The following PLCXD3 variants were observed in gnomAD, a reference collection of about 807,000 sequenced individuals.
PLCXD3 encodes the protein phosphatidylinositol specific phospholipase C X domain containing 3.
In PLCXD3, 19 loss-of-function variants were observed where a neutral mutation model predicts 25.5. The ratio of observed to expected loss-of-function variants is 0.75; its 90% CI spans 0.52 to 1.09. PLCXD3 has a LOEUF of 1.09. Ranked by LOEUF, PLCXD3 falls within the 50% of genes least tolerant of loss-of-function variation. PLCXD3 has a pLI of 0.00. For missense variants in PLCXD3, 411 were observed against 388.1 expected (o/e 1.06, Z -0.50); for synonymous variants, 174 against 137.6 (o/e 1.26, Z -1.85).
intron 1 of PLCXD3, among the ~76,000 whole-genome samples, chr5:41,484,133 TA>T (rs1305635283): frequency 3.3e-5 from 5 of 152,062 alleles, no homozygotes; most frequent in Admixed American, 1.3e-4. Context: ...ATATAAACAT[TA>T]GGGGTATAGG....
chr5:41,448,638 C>T (rs1168272391), intron 1 of PLCXD3, among the ~76,000 whole-genome samples: 1 of 152,154 alleles, frequency 6.6e-6, no homozygotes, highest in African/African-American at 2.4e-5. Context: ...TTCTAACTTT[C>T]CTAACTTCTC....
At chr5:41,425,366 T>A (rs1021631577) in intron 1 of PLCXD3, among the ~76,000 whole-genome samples, 2 of 151,956 alleles carry the variant, frequency 1.3e-5, no homozygotes, top group Non-Finnish European at 2.9e-5. Context: ...AAGCATAAGG[T>A]GCACAGATTT....
At chr5:41,350,340 C>T (rs1744422904) in intron 2 of PLCXD3, among the ~76,000 whole-genome samples, 1 of 152,154 alleles carries the variant, frequency 6.6e-6, no homozygotes, top group Non-Finnish European at 1.5e-5. Flanking sequence ...GTCTACTATA[C>T]TCTTCATCTT....
intron 1 of PLCXD3, among the ~76,000 whole-genome samples, chr5:41,490,000 C>T (rs1278772677): frequency 6.6e-6 from 1 of 151,978 alleles, no homozygotes; most frequent in African/African-American, 2.4e-5. Flanking sequence ...AGAGGGCATC[C>T]CTGTCTTGTG....
In PLCXD3 at chr5:41,394,964, A is replaced by G. The variant is rs538495520; in HGVS notation, c.104-12430T>C. On this transcript the variant is annotated intron_variant, in intron 1 of 2. Coordinates refer to ENST00000377801, the MANE Select transcript of PLCXD3 (RefSeq NM_001005473.3). ...AAACTTGTTGGACTTCATCTGCATC[A>G]TAGACCAAATGGATCTAATATTTAC... 5.9e-5 allele frequency among the ~76,000 whole-genome samples: 9 copies of G among 152,312 alleles called. No individual in the cohort carries two copies. The South Asian group carries it at 1.2e-3, about 21-fold the overall frequency.
chr5:41,370,263 T>C (rs1438629107), intron 2 of PLCXD3, among the ~76,000 whole-genome samples: 1 of 152,194 alleles, frequency 6.6e-6, no homozygotes, highest in Non-Finnish European at 1.5e-5. Context: ...ATCCCAGACA[T>C]ACAGAGCAAG....
intron 2 of PLCXD3, among the ~76,000 whole-genome samples, chr5:41,350,661 C>T (rs892146075): frequency 2.0e-5 from 3 of 152,056 alleles, no homozygotes; most frequent in African/African-American, 7.2e-5. Flanking sequence ...GCAATTCTTT[C>T]CCAAGACAAG....
intron 2 of PLCXD3, among the ~76,000 whole-genome samples, chr5:41,345,864 CTTTTTTCTTTTCTTTTTTTTA>C (rs1744286779): frequency 1.3e-5 from 2 of 149,746 alleles, no homozygotes; most frequent in Middle Eastern, 3.4e-3. Flanking sequence ...TTCTTTTTTT[CTTTTTTCTTTTCTTTTTTTTA>C]TTTTTTCTTT....
At chr5:41,454,159 T>C (rs989458526) in intron 1 of PLCXD3, among the ~76,000 whole-genome samples, 1 of 151,964 alleles carries the variant, frequency 6.6e-6, no homozygotes, top group African/African-American at 2.4e-5. Flanking sequence ...CAGAATGTTA[T>C]CCTTATTTGG....
chr5:41,403,799 T>C (rs1316861623), intron 1 of PLCXD3, among the ~76,000 whole-genome samples: 1 of 147,758 alleles, frequency 6.8e-6, no homozygotes, highest in African/African-American at 2.5e-5. Flanking sequence ...TAATCCAGTC[T>C]ATCATTGTTG....
chr5:41,470,914 A>C (rs1452186831), intron 1 of PLCXD3, among the ~76,000 whole-genome samples: 1 of 152,206 alleles, frequency 6.6e-6, no homozygotes, highest in Non-Finnish European at 1.5e-5. Flanking sequence ...GCACCCTATC[A>C]AAGCAAGCCA....
intron 1 of PLCXD3, among the ~76,000 whole-genome samples, chr5:41,493,397 G>T (rs1748752820): frequency 1.3e-5 from 2 of 152,238 alleles, no homozygotes. Flanking sequence ...GGACCCACTT[G>T]AGGAGGCAGT....
intron 1 of PLCXD3, among the ~76,000 whole-genome samples, chr5:41,410,715 G>A (rs1746494791): frequency 6.6e-6 from 1 of 152,084 alleles, no homozygotes; most frequent in Non-Finnish European, 1.5e-5. Flanking sequence ...ACCTAAAACT[G>A]AGCATCAACA....
intron 1 of PLCXD3, among the ~76,000 whole-genome samples, chr5:41,450,542 A>G (rs1747604975): frequency 6.6e-6 from 1 of 152,126 alleles, no homozygotes; most frequent in Admixed American, 6.6e-5. Context: ...CAATGCTGAT[A>G]GAAGCAGCTT....
intron 1 of PLCXD3, among the ~76,000 whole-genome samples, chr5:41,504,730 C>T (rs16871412): frequency 0.22 from 34,007 of 152,128 alleles, 3,766 homozygotes; most frequent in East Asian, 0.28. Flanking sequence ...CTCTCCAAAG[C>T]TTTCCCAAAA....
At chr5:41,424,540 C>CAA (rs956127836) in intron 1 of PLCXD3, among the ~76,000 whole-genome samples, 13 of 147,194 alleles carry the variant, frequency 8.8e-5, no homozygotes, top group Admixed American at 2.7e-4. Flanking sequence ...AACTCCATTT[C>CAA]AAAAAAAAAA....
intron 1 of PLCXD3, among the ~76,000 whole-genome samples, chr5:41,416,906 A>G (rs1321208502): frequency 1.3e-5 from 2 of 152,182 alleles, no homozygotes; most frequent in African/African-American, 4.8e-5. Flanking sequence ...GTTTGCAACC[A>G]GGAATGAGAT....
At chr5:41,382,660 C>G in intron 1 of PLCXD3, 126 bp from the exon 2 acceptor site, 1 of 731,166 alleles carries the variant, frequency 1.4e-6, no homozygotes, top group Non-Finnish European at 2.1e-6. Flanking sequence ...AAATGTAATA[C>G]TAGTTATTTT....
At chr5:41,383,743 T>G (rs2150493532) in intron 1 of PLCXD3, among the ~76,000 whole-genome samples, 1 of 152,094 alleles carries the variant, frequency 6.6e-6, no homozygotes, top group Admixed American at 6.5e-5. Context: ...TTCCTAGTTC[T>G]TTCACTCCCC....
Sources: allele counts gnomAD v4.1 joint callset (sites outside exome capture counted in the v4.1 genomes callset), GRCh38; gene constraint gnomAD v4.1.1; transcripts MANE v1.5; gene names NCBI Gene and HGNC (gene_info 2026-07-23, HGNC 2026-07-21).